The following SOX5 variants were observed in gnomAD, a reference collection of about 807,000 sequenced individuals.
The protein encoded by SOX5 is transcription factor SOX-5.
Under a neutral mutation model 92.0 loss-of-function variants are expected in SOX5, and 9 were observed. The observed-to-expected ratio is 0.10, with a 90% CI of 0.06 to 0.17. The LOEUF is 0.17. SOX5 is among the 10% of genes least tolerant of loss of function. SOX5 has a pLI of 1.00. For synonymous variants in SOX5, 344 were observed against 336.3 expected (o/e 1.02, Z -0.25); for missense variants, 642 against 944.5 (o/e 0.68, Z 4.20).
At chr12:24,389,030 T>G (rs1420061550) in intron 1 of SOX5, among the ~76,000 whole-genome samples, 2 of 152,126 alleles carry the variant, frequency 1.3e-5, no homozygotes, top group Non-Finnish European at 2.9e-5. Flanking sequence ...TATGTATACA[T>G]GTGCCATGCT....
At position 23,534,294 on chromosome 12, in the gene SOX5, G is replaced by A. The variant is rs144757257; in HGVS notation, c.2217C>T (p.Tyr739=). 3.8e-5 allele frequency: 61 copies of A among 1,613,872 alleles called. 1 individual carries two copies. Among genetic ancestry groups the A allele is most frequent in the Middle Eastern group, 1.6e-4 (1 of 6,084 alleles). Residue 739 remains tyrosine, a synonymous_variant, in exon 15 of 15, where the codon TAC becomes TAT. Coordinates refer to ENST00000451604, the MANE Select transcript of SOX5 (RefSeq NM_006940.6). The part of the protein sequence containing the change: ...EDINGEIYDE[Y]DEEEDDPDVD... ...CATCTGGATCATCCTCTTCCTCGTCGTACTCATCATAAATTTCTCCATTGA... is the reference window on the plus strand; with the variant it reads ...CATCTGGATCATCCTCTTCCTCGTCATACTCATCATAAATTTCTCCATTGA...
chr12:23,575,692 T>C lies in SOX5; in HGVS notation c.1311A>G (p.Leu437=). 6.2e-7 allele frequency: 1 copy of C among 1,614,198 alleles called. No individual in the cohort carries two copies. Among genetic ancestry groups the C allele is most frequent in the Non-Finnish European group, 8.5e-7 (1 of 1,180,012 alleles). Residue 437 remains leucine, a synonymous_variant, in exon 10 of 15, where the codon TTA becomes TTG. Transcript: ENST00000451604. Reference sequence around the variant, plus strand: ...TGCTAACTCTGGCTGAAGGACTAGCTAACGCTGCTGGGACAGAGGCTTTGA... The same window carrying C: ...TGCTAACTCTGGCTGAAGGACTAGCCAACGCTGCTGGGACAGAGGCTTTGA... ...GPLKASVPAA[L]ASPSARVSTI... is the part of the protein sequence containing the mutation.
At chr12:24,052,944 C>T (rs1957703807) in intron 4 of SOX5, among the ~76,000 whole-genome samples, 1 of 152,168 alleles carries the variant, frequency 6.6e-6, no homozygotes, top group African/African-American at 2.4e-5. Context: ...AATAAAATCT[C>T]CTCAGTCAAC....
At chr12:23,726,175 G>C (rs1454534781) in intron 6 of SOX5, among the ~76,000 whole-genome samples, 1 of 132,280 alleles carries the variant, frequency 7.6e-6, no homozygotes, top group Non-Finnish European at 1.6e-5. Flanking sequence ...GAGAGAGAGA[G>C]GTCAGTTTCT....
At chr12:23,779,432 T>C (rs2095210222) in intron 3 of SOX5, among the ~76,000 whole-genome samples, 2 of 149,358 alleles carry the variant, frequency 1.3e-5, no homozygotes. Flanking sequence ...ACAAAATAAA[T>C]GAACAAGCAG....
intron 1 of SOX5, among the ~76,000 whole-genome samples, chr12:24,480,012 T>C (rs574288596): frequency 3.3e-5 from 5 of 152,300 alleles, no homozygotes; most frequent in South Asian, 2.1e-4. Flanking sequence ...TTATTTGATA[T>C]GTATTAAGCA....
chr12:23,970,976 C>T (rs959452669), intron 4 of SOX5, among the ~76,000 whole-genome samples: 2 of 147,594 alleles, frequency 1.4e-5, no homozygotes, highest in African/African-American at 5.0e-5. Context: ...GTATATTTAG[C>T]TTATTGAAGA....
At chr12:23,643,004 A>G (rs10842201) in intron 7 of SOX5, among the ~76,000 whole-genome samples, 92,380 of 129,024 alleles carry the variant, frequency 0.72, 35,726 homozygotes, top group South Asian at 0.83. Context: ...GGAGAATGGC[A>G]TGAACCCGGG....
At chr12:23,836,314 T>A (rs1368121676) in intron 3 of SOX5, among the ~76,000 whole-genome samples, 1 of 151,866 alleles carries the variant, frequency 6.6e-6, no homozygotes, top group African/African-American at 2.4e-5. Flanking sequence ...CACTTTAGCA[T>A]CCCATTCAGT....
chr12:23,833,834 A>G lies in SOX5; in HGVS notation c.481+12149T>C, dbSNP rs781314336. 4.6e-5 allele frequency among the ~76,000 whole-genome samples: 7 copies of G among 152,064 alleles called. No individual in the cohort carries two copies. The East Asian group carries it at 5.8e-4, about 13-fold the overall frequency. ...GGAGGTAAAAGAAGAGTGTGAGGAT[A>G]TATTTAAAAAGAGAAAGGCAGAAAT... On this transcript the variant is annotated intron_variant, in intron 3 of 14. Transcript: ENST00000451604.
chr12:24,011,766 C>T (rs1168303085), intron 4 of SOX5, among the ~76,000 whole-genome samples: 2 of 152,028 alleles, frequency 1.3e-5, no homozygotes, highest in South Asian at 2.1e-4. Flanking sequence ...TGAAACTTAT[C>T]CCCTATTGCA....
chr12:23,602,465 G>A (rs1241157684), intron 9 of SOX5, among the ~76,000 whole-genome samples: 1 of 152,108 alleles, frequency 6.6e-6, no homozygotes, highest in Admixed American at 6.5e-5. Flanking sequence ...GGATGAGGCT[G>A]ACTGACATCA....
At chr12:24,483,865 G>A (rs777554341) in intron 1 of SOX5, among the ~76,000 whole-genome samples, 1 of 152,094 alleles carries the variant, frequency 6.6e-6, no homozygotes, top group Non-Finnish European at 1.5e-5. Flanking sequence ...AAAACAACAC[G>A]TGAAGTCTTC....
chr12:24,252,504 CA>C lies in SOX5; in HGVS notation c.-77+24711del, dbSNP rs57327790. On this transcript the variant is annotated intron_variant, in intron 3 of 4. Coordinates refer to the SOX5 transcript ENST00000446891. ...TTCTCCAAAATAAAGGGGGAAAGGC[CA>C]AAAAAAAAAAGTTAAGGGGATTAAT... is the stretch of plus-strand genomic sequence containing the variant. Among the ~76,000 whole-genome samples, 687 of 142,330 alleles carry C rather than the reference CA, an allele frequency of 4.8e-3. 5 individuals carry two copies. The highest frequency in any genetic ancestry group is 0.015 in the African/African-American group (593 of 38,978). The allele number at this position is 142,330 out of a possible 152,430, so 93.4% of individuals were successfully genotyped here.
intron 2 of SOX5, among the ~76,000 whole-genome samples, chr12:24,348,748 C>G (rs934416924): frequency 6.6e-6 from 1 of 152,064 alleles, no homozygotes; most frequent in Admixed American, 6.5e-5. Flanking sequence ...AATTGTAGCT[C>G]CCATAATCCC....
intron 4 of SOX5, among the ~76,000 whole-genome samples, chr12:24,188,141 C>A (rs981701674): frequency 2.0e-5 from 3 of 152,076 alleles, no homozygotes; most frequent in African/African-American, 7.2e-5. Context: ...AGTCTGAATG[C>A]TTCTCTTTTC....
intron 6 of SOX5, among the ~76,000 whole-genome samples, chr12:23,732,860 C>T (rs2093441973): frequency 6.6e-6 from 1 of 152,168 alleles, no homozygotes; most frequent in Admixed American, 6.5e-5. Flanking sequence ...CTCTGAAATA[C>T]AGTTCCTATA....
chr12:24,490,072 T>C (rs1946897393), intron 1 of SOX5, among the ~76,000 whole-genome samples: 1 of 152,238 alleles, frequency 6.6e-6, no homozygotes, highest in South Asian at 2.1e-4. Context: ...CTGCAGTGGA[T>C]GGCAGACTTC....
chr12:24,012,212 T>C (rs1953027568), intron 4 of SOX5, among the ~76,000 whole-genome samples: 1 of 152,194 alleles, frequency 6.6e-6, no homozygotes, highest in South Asian at 2.1e-4. Context: ...TATTTTTACT[T>C]TAAGCAACTT....
Sources: allele counts gnomAD v4.1 joint callset (sites outside exome capture counted in the v4.1 genomes callset), GRCh38; gene constraint gnomAD v4.1.1; transcripts MANE v1.5; gene names NCBI Gene and HGNC (gene_info 2026-07-23, HGNC 2026-07-21).